Variants in PIK3CA observed in about 807,000 individuals in gnomAD.
PIK3CA encodes the protein phosphatidylinositol-4,5-bisphosphate 3-kinase catalytic subunit alpha.
A neutral mutation model predicts 138.2 loss-of-function variants in PIK3CA; 27 were observed. That is an observed-to-expected ratio of 0.20 (90% CI 0.14 to 0.27). The LOEUF is 0.27. Ranked by LOEUF, PIK3CA falls within the 10% of genes least tolerant of loss-of-function variation. The pLI, the probability that PIK3CA is intolerant of heterozygous loss-of-function variation, is 1.00. For synonymous variants in PIK3CA, 358 were observed against 413.2 expected (o/e 0.87, Z 1.62); for missense variants, 544 against 1,277.4 (o/e 0.43, Z 8.75).
At chr3:179,205,217 A>T in intron 6 of PIK3CA, among the ~76,000 whole-genome samples, 1 of 151,952 alleles carries the variant, frequency 6.6e-6, no homozygotes, top group South Asian at 2.1e-4. Flanking sequence ...AAATATATAT[A>T]TATTTTACAT....
At chr3:179,194,534 A>T (rs1349794076) in intron 1 of PIK3CA, among the ~76,000 whole-genome samples, 1 of 152,074 alleles carries the variant, frequency 6.6e-6, no homozygotes, top group Non-Finnish European at 1.5e-5. Context: ...TCTCCTTTTT[A>T]CTAACGGTGT....
At chr3:179,176,144 A>G (rs555135249) in intron 1 of PIK3CA, among the ~76,000 whole-genome samples, 1 of 152,328 alleles carries the variant, frequency 6.6e-6, no homozygotes, top group Admixed American at 6.5e-5. Flanking sequence ...AGAGTTGCAC[A>G]TAATCTTCTG....
At chr3:179,197,665 A>G (rs1724302951) in intron 1 of PIK3CA, among the ~76,000 whole-genome samples, 1 of 152,204 alleles carries the variant, frequency 6.6e-6, no homozygotes. Context: ...TATCTGATAG[A>G]CTAATCAAAT....
intron 1 of PIK3CA, among the ~76,000 whole-genome samples, chr3:179,197,086 T>C (rs1724284948): frequency 6.6e-6 from 1 of 152,142 alleles, no homozygotes; most frequent in Non-Finnish European, 1.5e-5. Context: ...TCGCCCAGAC[T>C]GGAGTGCAGT....
intron 1 of PIK3CA, among the ~76,000 whole-genome samples, chr3:179,159,160 T>C (rs1447699970): frequency 6.6e-6 from 1 of 152,212 alleles, no homozygotes; most frequent in Non-Finnish European, 1.5e-5. Flanking sequence ...TTTTAAAGAA[T>C]GACTTTTATT....
At chr3:179,217,956 A>T (rs950933804) in intron 9 of PIK3CA, among the ~76,000 whole-genome samples, 2 of 152,090 alleles carry the variant, frequency 1.3e-5, no homozygotes, top group African/African-American at 4.8e-5. Context: ...TAACTTCAGC[A>T]GTTACTATTC....
intron 1 of PIK3CA, among the ~76,000 whole-genome samples, chr3:179,190,110 T>C (rs1265219372): frequency 6.6e-6 from 1 of 152,180 alleles, no homozygotes; most frequent in Non-Finnish European, 1.5e-5. Context: ...TTCTTAGCCC[T>C]CAAATCCAAA....
Position 179,209,756 on chromosome 3 carries a change from C to T in PIK3CA, c.1251+56C>T, listed in dbSNP as rs189879031. The T allele has an allele frequency of 6.6e-5, 60 of 909,954 alleles. 1 individual carries two copies. The Admixed American group carries it at 6.6e-4, about 10-fold the overall frequency. 56.4% of individuals were successfully genotyped at this position (909,954 alleles called of 1,614,324 possible). ...TACCTTTAAAAACTCCTGATTATAC[C>T]GCTGATTGAATTTTTTCACAAATTG... On this transcript the variant is annotated intron_variant, in intron 7 of 20. Transcript: ENST00000263967.
chr3:179,158,356 A>G (rs1247914408), intron 1 of PIK3CA, among the ~76,000 whole-genome samples: 2 of 152,266 alleles, frequency 1.3e-5, no homozygotes, highest in East Asian at 3.9e-4. Flanking sequence ...TACAATTTTC[A>G]CATCTAGTCT....
At chr3:179,201,842 G>A (rs1026322340) in intron 4 of PIK3CA, among the ~76,000 whole-genome samples, 4 of 151,978 alleles carry the variant, frequency 2.6e-5, no homozygotes, top group South Asian at 4.2e-4. Context: ...TCCTGACCTC[G>A]TGATCCACTC....
rs566958727 is a variant in PIK3CA, at chr3:179,196,359, C to T, written c.-76-2391C>T. Among the ~76,000 whole-genome samples the T allele has an allele frequency of 4.6e-5, 7 of 152,204 alleles. No individual in the cohort carries two copies. In the South Asian group the frequency reaches 8.3e-4, roughly 18 times the overall value. ...TCATCATTTAAAAGTAGTCATTTGG[C>T]GTTTTCCCTTGCATTCTTCAGATTT... On this transcript the variant is annotated intron_variant, in intron 1 of 20. Transcript: ENST00000263967.
At chr3:179,191,238 C>T (rs1397819984) in intron 1 of PIK3CA, among the ~76,000 whole-genome samples, 1 of 152,154 alleles carries the variant, frequency 6.6e-6, no homozygotes, top group Non-Finnish European at 1.5e-5. Context: ...GTCAAAGTGT[C>T]ATACTTTGGG....
chr3:179,189,139 C>G (rs569223166), intron 1 of PIK3CA, among the ~76,000 whole-genome samples: 3 of 151,866 alleles, frequency 2.0e-5, no homozygotes, highest in Non-Finnish European at 1.5e-5. Context: ...GCTCGAACCT[C>G]GTAAACAGAG....
intron 2 of PIK3CA, 54 bp downstream of exon 2, chr3:179,199,231 G>A (rs2108386607): frequency 8.6e-7 from 1 of 1,156,508 alleles, no homozygotes; most frequent in Non-Finnish European, 1.2e-6. Context: ...CTTAACTGTT[G>A]TCCCTTTCTA....
chr3:179,221,933 C>G (rs760440051), intron 14 of PIK3CA, among the ~76,000 whole-genome samples: 1 of 151,836 alleles, frequency 6.6e-6, no homozygotes, highest in Admixed American at 6.6e-5. Flanking sequence ...GTCTCCAATT[C>G]CTGGGCTCAA....
At chr3:179,175,003 A>C (rs957317225) in intron 1 of PIK3CA, among the ~76,000 whole-genome samples, 3 of 152,176 alleles carry the variant, frequency 2.0e-5, no homozygotes, top group African/African-American at 7.2e-5. Context: ...TTTCTGATTT[A>C]ATCTTGATTG....
rs549554920 is a variant in PIK3CA, at chr3:179,191,929, C to T, written c.-76-6821C>T. On this transcript the variant is annotated intron_variant, in intron 1 of 20. Coordinates refer to ENST00000263967, the MANE Select transcript of PIK3CA (RefSeq NM_006218.4). ...CTAGGATTACAGGCATGAGCCACCA[C>T]GCCTGGCCTAAAAACATAAGTATTT... is the stretch of plus-strand genomic sequence containing the variant. 1.2e-4 allele frequency among the ~76,000 whole-genome samples: 18 copies of T among 152,222 alleles called. No homozygotes were observed. In the South Asian group the frequency reaches 1.9e-3, roughly 16 times the overall value.
intron 1 of PIK3CA, among the ~76,000 whole-genome samples, chr3:179,195,938 A>G (rs935379238): frequency 3.4e-4 from 52 of 152,198 alleles, no homozygotes; most frequent in African/African-American, 1.1e-3. Flanking sequence ...TGACAAATAA[A>G]AAAGCTGTCA....
At chr3:179,155,657 C>G (rs1011898868) in intron 1 of PIK3CA, among the ~76,000 whole-genome samples, 2 of 152,148 alleles carry the variant, frequency 1.3e-5, no homozygotes, top group African/African-American at 4.8e-5. Context: ...TTATATGCAT[C>G]TGCTACCCCA....
Sources: allele counts gnomAD v4.1 joint callset (sites outside exome capture counted in the v4.1 genomes callset), GRCh38; gene constraint gnomAD v4.1.1; transcripts MANE v1.5; gene names NCBI Gene and HGNC (gene_info 2026-07-23, HGNC 2026-07-21).